USP34: variants seen among roughly 807,000 people sequenced by gnomAD.
USP34 encodes the protein ubiquitin carboxyl-terminal hydrolase 34.
A neutral mutation model predicts 460.3 loss-of-function variants in USP34; 70 were observed. That is an observed-to-expected ratio of 0.15 (90% confidence interval 0.13 to 0.19). The LOEUF is 0.19. Ranked by LOEUF, USP34 falls within the 10% of genes least tolerant of loss-of-function variation. The pLI is 1.00. For missense variants in USP34, 3,985 were observed against 4,236.2 expected, an observed-to-expected ratio of 0.94 and a Z score of 1.65; for synonymous variants, 1,647 against 1,405.3, an observed-to-expected ratio of 1.17 and a Z score of -3.85.
At chr2:61,210,768 A>G (rs949010745) in intron 69 of USP34, among the ~76,000 whole-genome samples, 10 of 152,028 alleles carry the variant, frequency 6.6e-5, no homozygotes, top group African/African-American at 2.4e-4. Context: ...CTGGAGTACA[A>G]TGGCACAATC....
At chr2:61,469,383 C>T (rs1234845973) in intron 1 of USP34, among the ~76,000 whole-genome samples, 1 of 152,082 alleles carries the variant, frequency 6.6e-6, no homozygotes, top group Non-Finnish European at 1.5e-5. Context: ...TCGTAAACCG[C>T]CTGCGCCAGA....
intron 27 of USP34, among the ~76,000 whole-genome samples, chr2:61,302,608 T>C (rs748025126): frequency 1.1e-4 from 16 of 152,178 alleles, no homozygotes; most frequent in Non-Finnish European, 2.2e-4. Flanking sequence ...TTTAAACATA[T>C]CCTAAATATT....
chr2:61,274,900 A>G (rs904042142), intron 41 of USP34, among the ~76,000 whole-genome samples: 1 of 152,264 alleles, frequency 6.6e-6, no homozygotes, highest in Non-Finnish European at 1.5e-5. Context: ...TTAAATGTAT[A>G]AAGATCTCTG....
intron 1 of USP34, among the ~76,000 whole-genome samples, chr2:61,453,710 A>G: frequency 7.5e-6 from 1 of 133,028 alleles, no homozygotes; most frequent in East Asian, 2.1e-4. Context: ...GTGACATTCC[A>G]TCTCAAAAAA....
chr2:61,382,874 C>G (rs1202421603), intron 6 of USP34, among the ~76,000 whole-genome samples: 1 of 152,180 alleles, frequency 6.6e-6, no homozygotes, highest in African/African-American at 2.4e-5. Context: ...TTATCACTTT[C>G]TGATGTAGTA....
At chr2:61,425,125 G>C (rs1440052554) in intron 1 of USP34, among the ~76,000 whole-genome samples, 1 of 152,004 alleles carries the variant, frequency 6.6e-6, no homozygotes, top group Non-Finnish European at 1.5e-5. Flanking sequence ...TGATTTTTTA[G>C]ACTGAAAACA....
chr2:61,190,723 A>T (rs1407905111), intron 76 of USP34, 65 bp from the exon 77 acceptor site: 1 of 1,541,090 alleles, frequency 6.5e-7, no homozygotes, highest in Non-Finnish European at 8.7e-7. Flanking sequence ...CACGGAAAAA[A>T]CTTACACAGA....
intron 43 of USP34, among the ~76,000 whole-genome samples, chr2:61,260,588 T>C (rs1688850117): frequency 6.6e-6 from 1 of 152,304 alleles, no homozygotes; most frequent in Admixed American, 6.5e-5. Context: ...GAAGTCAAGA[T>C]ATGGACTAAA....
chr2:61,464,010 G>A (rs911943786), intron 1 of USP34, among the ~76,000 whole-genome samples: 1 of 152,136 alleles, frequency 6.6e-6, no homozygotes. Flanking sequence ...TGCAAAGCAT[G>A]TAAAGTACTT....
intron 32 of USP34, among the ~76,000 whole-genome samples, chr2:61,294,130 G>C (rs1340539236): frequency 1.3e-5 from 2 of 152,096 alleles, no homozygotes; most frequent in Non-Finnish European, 2.9e-5. Context: ...TGGATCACGA[G>C]GTCAGCAGAT....
chr2:61,287,812 TTATA>T (rs1689733735), intron 34 of USP34, among the ~76,000 whole-genome samples: 1 of 152,194 alleles, frequency 6.6e-6, no homozygotes, highest in South Asian at 2.1e-4. Context: ...GAGTCAAAAG[TTATA>T]TACAGATTTT....
intron 15 of USP34, among the ~76,000 whole-genome samples, chr2:61,344,651 T>TA (rs1277556738): frequency 6.6e-6 from 1 of 152,218 alleles, no homozygotes. Context: ...AGGTATGGAA[T>TA]GGGTATAGGT....
In USP34 at chr2:61,348,325, C is replaced by G; in HGVS notation, c.1830G>C (p.Gln610His). The G allele has an allele frequency of 8.1e-6, 13 of 1,614,180 alleles. No individual in the cohort carries two copies. The highest frequency in any genetic ancestry group is 1.1e-5 in the Non-Finnish European group (13 of 1,180,026). The change falls in exon 15 of 80, where the codon CAG becomes CAC. Residue 610 changes from glutamine (Q) to histidine (H), a missense_variant. Transcript: ENST00000398571. Reference protein sequence around the residue: ...QSAGSPGSEVQSEDIADIEAL... With the variant: ...QSAGSPGSEVHSEDIADIEAL... ...CTTCAATATCTGCAATGTCTTCTGA[C>G]TGTACCTCACTGCCAGGGCTCCCAG...
At chr2:61,467,251 C>T (rs1221286282) in intron 1 of USP34, among the ~76,000 whole-genome samples, 7 of 151,724 alleles carry the variant, frequency 4.6e-5, no homozygotes, top group Non-Finnish European at 7.4e-5. Context: ...TGTAGTGAGC[C>T]GAAACCGTGC....
intron 29 of USP34, among the ~76,000 whole-genome samples, chr2:61,299,225 G>A (rs1400442469): frequency 6.6e-6 from 1 of 152,182 alleles, no homozygotes; most frequent in Non-Finnish European, 1.5e-5. Context: ...GAAACGGGAA[G>A]AAGTCACTTA....
At chr2:61,300,858 T>G in intron 29 of USP34, 93 bp downstream of exon 29, 1 of 873,694 alleles carries the variant, frequency 1.1e-6, no homozygotes, top group Non-Finnish European at 1.7e-6. Context: ...ATTATATACT[T>G]TATAACGTTT....
At chr2:61,424,151 T>C (rs920701257) in intron 1 of USP34, among the ~76,000 whole-genome samples, 3 of 152,032 alleles carry the variant, frequency 2.0e-5, no homozygotes, top group African/African-American at 7.2e-5. Flanking sequence ...CTGAAATGAA[T>C]TGAAAGCACC....
intron 1 of USP34, among the ~76,000 whole-genome samples, chr2:61,429,312 TGG>T (rs1220368014): frequency 1.3e-5 from 2 of 152,066 alleles, no homozygotes; most frequent in African/African-American, 4.8e-5. Context: ...CCAGGCATGG[TGG>T]TGGGCACCTG....
At chr2:61,281,985 T>G (rs190503315) in intron 37 of USP34, among the ~76,000 whole-genome samples, 1 of 152,128 alleles carries the variant, frequency 6.6e-6, no homozygotes, top group East Asian at 1.9e-4. Flanking sequence ...AGAACTAATT[T>G]TGTTTTGTTT....
Sources: allele counts gnomAD v4.1 joint callset (sites outside exome capture counted in the v4.1 genomes callset), GRCh38; gene constraint gnomAD v4.1.1; transcripts MANE v1.5; gene names NCBI Gene and HGNC (gene_info 2026-07-23, HGNC 2026-07-21).